Variants in THSD7B observed in about 807,000 individuals in gnomAD.
The protein encoded by THSD7B is thrombospondin type-1 domain-containing protein 7B.
A neutral mutation model predicts 213.6 loss-of-function variants in THSD7B; 138 were observed. That is an observed-to-expected ratio of 0.65 (90% CI 0.56 to 0.74). The LOEUF (loss-of-function observed/expected upper bound fraction) is 0.74. THSD7B is among the 30% of genes least tolerant of loss of function. THSD7B has a pLI of 0.00. For synonymous variants in THSD7B, 742 were observed against 687.0 expected, an observed-to-expected ratio of 1.08 and a Z score of -1.25; for missense variants, 1,931 against 1,991.5, an observed-to-expected ratio of 0.97 and a Z score of 0.58.
intron 12 of THSD7B, among the ~76,000 whole-genome samples, chr2:137,310,623 T>G (rs1157140974): frequency 1.3e-5 from 2 of 152,036 alleles, no homozygotes; most frequent in Non-Finnish European, 2.9e-5. Flanking sequence ...TCTTCTAGGG[T>G]TTTTATGGTT....
At chr2:136,900,505 GA>G (rs1295539413) in intron 2 of THSD7B, among the ~76,000 whole-genome samples, 1 of 151,822 alleles carries the variant, frequency 6.6e-6, no homozygotes, top group Non-Finnish European at 1.5e-5. Context: ...ATTTTTGTTT[GA>G]AAAAAACAGT....
At chr2:137,586,237 A>G (rs1301196915) in intron 17 of THSD7B, among the ~76,000 whole-genome samples, 7 of 152,166 alleles carry the variant, frequency 4.6e-5, no homozygotes, top group Admixed American at 3.3e-4. Context: ...GTCCCTGCAC[A>G]TGAGATGGGT....
At chr2:137,241,006 A>C (rs1235836843) in intron 9 of THSD7B, among the ~76,000 whole-genome samples, 2 of 152,070 alleles carry the variant, frequency 1.3e-5, no homozygotes, top group African/African-American at 4.8e-5. Context: ...TGTCTGTTTA[A>C]ACTTGCTAGA....
At chr2:137,282,543 A>AC (rs1203374939) in intron 12 of THSD7B, among the ~76,000 whole-genome samples, 31 of 152,182 alleles carry the variant, frequency 2.0e-4, no homozygotes, top group Non-Finnish European at 3.5e-4. Context: ...TTTAGGTCTA[A>AC]CATTTAAGTC....
In THSD7B at chr2:137,656,812, A is replaced by G. The variant is rs772996424; in HGVS notation, c.4122A>G (p.Thr1374=). 2 of 1,613,932 alleles carry G rather than the reference A, an allele frequency of 1.2e-6. No individual in the cohort carries two copies. The highest frequency in any genetic ancestry group is 3.3e-5 in the Admixed American group (2 of 60,014). The change falls in exon 23 of 28, where the codon ACA becomes ACG. Residue 1374 remains threonine (T), a synonymous_variant. Transcript: ENST00000409968. ...SVPCPGDCHL[T]EWSEWSTCEL... ...ACTGTCCAGGAGACTGCCATTTAAC[A>G]GAATGGTCAGAGTGGAGCACATGTG...
chr2:137,176,197 A>G (rs528278479), intron 7 of THSD7B, among the ~76,000 whole-genome samples: 2 of 152,308 alleles, frequency 1.3e-5, no homozygotes, highest in South Asian at 4.1e-4. Context: ...AAGAGATGCT[A>G]TAAAATTCGA....
At chr2:136,772,634 A>C (rs750125046) in intron 1 of THSD7B, among the ~76,000 whole-genome samples, 1 of 152,144 alleles carries the variant, frequency 6.6e-6, no homozygotes, top group Admixed American at 6.5e-5. Flanking sequence ...GAGTTGTTCG[A>C]TGTGAGTGGG....
intron 24 of THSD7B, 145 bp downstream of exon 24, chr2:137,657,305 G>A (rs1425142131): frequency 7.4e-6 from 5 of 679,004 alleles, no homozygotes; most frequent in African/African-American, 7.2e-5. Context: ...TTCATTAGAC[G>A]TTTGCATCTT....
chr2:137,311,057 T>A lies in THSD7B; in HGVS notation c.2500+35031T>A, dbSNP rs1395583759. Among the ~76,000 whole-genome samples, 3 of 151,046 alleles carry A rather than the reference T, an allele frequency of 2.0e-5. No individual in the cohort carries two copies. The Admixed American group carries it at 2.0e-4, about 10-fold the overall frequency. Reference sequence around the variant, plus strand: ...TTCTGTGAAGAAAGTCATTGGTAGCTTGATGGGGATGGCATTGAATCTGTA... The same window carrying A: ...TTCTGTGAAGAAAGTCATTGGTAGCATGATGGGGATGGCATTGAATCTGTA... On this transcript the variant is annotated intron_variant, in intron 12 of 27. Coordinates refer to ENST00000409968, the MANE Select transcript of THSD7B (RefSeq NM_001316349.2).
At chr2:136,961,026 T>C (rs1337213192) in intron 2 of THSD7B, among the ~76,000 whole-genome samples, 2 of 129,452 alleles carry the variant, frequency 1.5e-5, no homozygotes, top group Admixed American at 1.8e-4. Context: ...GAGATGGAGC[T>C]TGCAGTGAGC....
At chr2:137,405,856 G>A in intron 13 of THSD7B, 49 bp downstream of exon 13, 1 of 1,503,258 alleles carries the variant, frequency 6.7e-7, no homozygotes, top group Non-Finnish European at 8.9e-7. Context: ...GAACATCTCT[G>A]GATCTTTTGT....
At chr2:137,532,641 G>A (rs561996158) in intron 15 of THSD7B, among the ~76,000 whole-genome samples, 12 of 151,738 alleles carry the variant, frequency 7.9e-5, no homozygotes, top group Admixed American at 1.3e-4. Context: ...CATGTCCCTC[G>A]GAGTTTGTTT....
intron 12 of THSD7B, among the ~76,000 whole-genome samples, chr2:137,379,798 A>G (rs1398007646): frequency 7.9e-5 from 12 of 152,116 alleles, no homozygotes; most frequent in African/African-American, 1.7e-4. Flanking sequence ...ACCTGTCTCT[A>G]TGCCTGGAAA....
chr2:137,642,681 AG>A, intron 21 of THSD7B, 48 bp downstream of exon 21: 2 of 1,599,574 alleles, frequency 1.3e-6, no homozygotes, highest in Non-Finnish European at 1.7e-6. Context: ...GTATATTCGA[AG>A]CACTTGTCTG....
At chr2:136,830,719 C>T (rs1682740167) in intron 1 of THSD7B, among the ~76,000 whole-genome samples, 1 of 152,154 alleles carries the variant, frequency 6.6e-6, no homozygotes, top group Admixed American at 6.5e-5. Flanking sequence ...AAATGGGTAT[C>T]AGCCTATTTT....
chr2:137,352,959 T>C (rs1465847772), intron 12 of THSD7B, among the ~76,000 whole-genome samples: 1 of 152,062 alleles, frequency 6.6e-6, no homozygotes, highest in Non-Finnish European at 1.5e-5. Flanking sequence ...TTCTCTAGCT[T>C]TTTTAATGGT....
At chr2:136,853,439 A>T (rs1683130160) in intron 1 of THSD7B, among the ~76,000 whole-genome samples, 1 of 152,170 alleles carries the variant, frequency 6.6e-6, no homozygotes, top group Non-Finnish European at 1.5e-5. Flanking sequence ...ACCAAACTCC[A>T]GCCATCCATT....
At chr2:137,486,266 A>G (rs1274767431) in intron 15 of THSD7B, among the ~76,000 whole-genome samples, 5 of 151,738 alleles carry the variant, frequency 3.3e-5, no homozygotes, top group Non-Finnish European at 7.4e-5. Context: ...ACGTGCAGAG[A>G]CACACATAGG....
At chr2:137,345,272 G>A (rs1684850916) in intron 12 of THSD7B, among the ~76,000 whole-genome samples, 1 of 151,644 alleles carries the variant, frequency 6.6e-6, no homozygotes, top group East Asian at 1.9e-4. Flanking sequence ...GTTAATCGAG[G>A]AAGTACATTC....
Sources: allele counts gnomAD v4.1 joint callset (sites outside exome capture counted in the v4.1 genomes callset), GRCh38; gene constraint gnomAD v4.1.1; transcripts MANE v1.5; gene names NCBI Gene and HGNC (gene_info 2026-07-23, HGNC 2026-07-21).